Variants in AFF3 observed in about 807,000 individuals in gnomAD.
AFF3 encodes the protein AF4/FMR2 family member 3.
Under a neutral mutation model 129.7 loss-of-function variants are expected in AFF3, and 32 were observed. The observed-to-expected ratio is 0.25, with a 90% CI of 0.19 to 0.33. AFF3 has a LOEUF of 0.33. AFF3 is among the 10% of genes least tolerant of loss of function. AFF3 has a pLI of 1.00. For missense variants in AFF3, 1,373 were observed against 1,592.0 expected, an observed-to-expected ratio of 0.86 and a Z score of 2.34; for synonymous variants, 644 against 635.4, an observed-to-expected ratio of 1.01 and a Z score of -0.20.
rs1674179066 is a variant in AFF3, at chr2:99,548,397, C to T, written c.*3077G>A. 5.1e-6 allele frequency: 1 copy of T among 197,072 alleles called. No homozygotes were observed. The highest frequency in any genetic ancestry group is 1.9e-4 in the South Asian group (1 of 5,222). The allele number at this position is 197,072 out of a possible 1,614,324, so 12.2% of individuals were successfully genotyped here. A position where few individuals can be genotyped will look rare whatever the true frequency, so the allele number is the denominator to read the frequency against. On this transcript the variant is annotated 3_prime_UTR_variant, in exon 25 of 25. Transcript: ENST00000672756. ...CATTTCTGCACTGTTTGAGTTTTTA[C>T]AATGAGTAGATATTACTTTTCTAAT...
chr2:99,933,626 G>A (rs187913385), intron 7 of AFF3, among the ~76,000 whole-genome samples: 1 of 152,216 alleles, frequency 6.6e-6, no homozygotes, highest in Admixed American at 6.5e-5. Context: ...ATAGTTTGCT[G>A]AGAATGATGG....
intron 8 of AFF3, among the ~76,000 whole-genome samples, chr2:99,790,570 A>T (rs1454012604): frequency 2.0e-5 from 3 of 152,220 alleles, no homozygotes; most frequent in African/African-American, 7.2e-5. Context: ...TGAATTTTAT[A>T]GCAGGTTTCA....
chr2:99,640,332 C>A (rs960954262), intron 13 of AFF3, among the ~76,000 whole-genome samples: 1 of 151,904 alleles, frequency 6.6e-6, no homozygotes, highest in Non-Finnish European at 1.5e-5. Context: ...TCTTATGATA[C>A]CTCATGCGTG....
intron 2 of AFF3, chr2:100,106,299 C>G (rs1691288033): frequency 2.6e-6 from 3 of 1,167,868 alleles, no homozygotes; most frequent in Non-Finnish European, 3.2e-6. Flanking sequence ...TCTCAGCCCT[C>G]AAAAACCCCT....
chr2:100,022,672 A>G (rs1483332789), intron 4 of AFF3, among the ~76,000 whole-genome samples: 1 of 152,108 alleles, frequency 6.6e-6, no homozygotes, highest in Non-Finnish European at 1.5e-5. Context: ...TTGGCCTCCC[A>G]AAGTGCTAAG....
At chr2:99,641,279 C>T (rs1181086153) in intron 13 of AFF3, among the ~76,000 whole-genome samples, 2 of 152,212 alleles carry the variant, frequency 1.3e-5, no homozygotes, top group Non-Finnish European at 2.9e-5. Context: ...GCTAAGAGCA[C>T]CAACTCTGGA....
chr2:99,553,807 G>A (rs1437269096), intron 24 of AFF3, among the ~76,000 whole-genome samples: 4 of 151,208 alleles, frequency 2.6e-5, no homozygotes, highest in African/African-American at 7.3e-5. Flanking sequence ...CCAGCTACTC[G>A]GGAGGCTGAG....
intron 4 of AFF3, among the ~76,000 whole-genome samples, chr2:100,081,623 G>A (rs1203059375): frequency 6.6e-6 from 1 of 152,124 alleles, no homozygotes; most frequent in Non-Finnish European, 1.5e-5. Flanking sequence ...AAAGAATAGG[G>A]AGACTGTGGA....
At position 100,030,081 on chromosome 2, in the gene AFF3, T is replaced by C. The variant is rs1438068697; in HGVS notation, c.54-21149A>G. Among the ~76,000 whole-genome samples the C allele has an allele frequency of 4.7e-5, 7 of 149,812 alleles. No homozygotes were observed. The East Asian group carries it at 5.8e-4, about 12-fold the overall frequency. ...GACTGTCTCAAAATAATAATAATAATAATAATAATAATAATAATGATAAGA... is the reference window on the plus strand; with the variant it reads ...GACTGTCTCAAAATAATAATAATAACAATAATAATAATAATAATGATAAGA... On this transcript the variant is annotated intron_variant, in intron 4 of 24. Transcript: ENST00000672756.
intron 4 of AFF3, among the ~76,000 whole-genome samples, chr2:100,040,751 A>C (rs772271921): frequency 4.6e-5 from 7 of 152,218 alleles, no homozygotes; most frequent in Admixed American, 2.0e-4. Context: ...CAGTGTTAGA[A>C]AACAGCTTCA....
At chr2:99,910,950 C>CCTCTTATCCAAGCTCA (rs1695069720) in intron 7 of AFF3, among the ~76,000 whole-genome samples, 2 of 152,192 alleles carry the variant, frequency 1.3e-5, no homozygotes, top group African/African-American at 4.8e-5. Context: ...CAATGCCTTC[C>CCTCTTATCCAAGCTCA]CTCTTATCCA....
intron 11 of AFF3, among the ~76,000 whole-genome samples, chr2:99,714,309 C>T (rs528439639): frequency 1.3e-5 from 2 of 152,278 alleles, no homozygotes; most frequent in South Asian, 2.1e-4. Flanking sequence ...ACTGAATAAG[C>T]CATGCCCCTT....
intron 8 of AFF3, among the ~76,000 whole-genome samples, chr2:99,752,774 T>C (rs1681766020): frequency 6.6e-6 from 1 of 152,220 alleles, no homozygotes; most frequent in Non-Finnish European, 1.5e-5. Context: ...CACATCACTT[T>C]GGTCTTCATA....
intron 8 of AFF3, among the ~76,000 whole-genome samples, chr2:99,798,146 C>T (rs1685684071): frequency 6.6e-6 from 1 of 151,874 alleles, no homozygotes; most frequent in Non-Finnish European, 1.5e-5. Flanking sequence ...TGAAGAATTG[C>T]AAGGTTCTTA....
chr2:99,566,824 C>G (rs1428726960), intron 19 of AFF3, among the ~76,000 whole-genome samples: 2 of 152,134 alleles, frequency 1.3e-5, no homozygotes, highest in Non-Finnish European at 2.9e-5. Context: ...TATTCCAAGT[C>G]TTGCCACTAA....
intron 12 of AFF3, among the ~76,000 whole-genome samples, chr2:99,653,533 A>T (rs146982540): frequency 5.3e-5 from 8 of 152,224 alleles, no homozygotes; most frequent in African/African-American, 1.9e-4. Flanking sequence ...AAAGGAAAAC[A>T]AACAAACAAA....
intron 15 of AFF3, among the ~76,000 whole-genome samples, chr2:99,591,354 T>C (rs1678660594): frequency 1.3e-5 from 2 of 152,132 alleles, no homozygotes; most frequent in South Asian, 4.2e-4. Context: ...GTCTGGCTAA[T>C]TTTTTGTATT....
At chr2:99,935,725 T>C (rs1674466752) in intron 7 of AFF3, among the ~76,000 whole-genome samples, 1 of 152,338 alleles carries the variant, frequency 6.6e-6, no homozygotes, top group Non-Finnish European at 1.5e-5. Flanking sequence ...CTGAATACTC[T>C]AGTGCCACTT....
chr2:100,027,405 G>C (rs983681160), intron 4 of AFF3, among the ~76,000 whole-genome samples: 1 of 152,174 alleles, frequency 6.6e-6, no homozygotes, highest in Admixed American at 6.5e-5. Flanking sequence ...CTCCTTCCAA[G>C]AGATACAGGA....
Sources: gnomAD v4.1 joint callset for allele counts (sites outside exome capture counted in the v4.1 genomes callset) on GRCh38, gnomAD v4.1.1 for gene constraint, MANE v1.5 for transcripts, NCBI Gene and HGNC (gene_info 2026-07-23, HGNC 2026-07-21) for gene names.